Variants in ZNF81 observed in about 807,000 individuals in gnomAD.
The protein encoded by ZNF81 is zinc finger protein 81.
A neutral mutation model predicts 32.3 loss-of-function variants in ZNF81; 5 were observed. The ratio of observed to expected loss-of-function variants is 0.15; its 90% CI spans 0.08 to 0.33. The LOEUF (loss-of-function observed/expected upper bound fraction) is 0.33. Ranked by LOEUF, ZNF81 falls within the 10% of genes least tolerant of loss-of-function variation. The pLI is 1.00. For synonymous variants in ZNF81, 163 were observed against 166.8 expected (o/e 0.98, Z 0.17); for missense variants, 379 against 479.8 (o/e 0.79, Z 1.96).
At chrX:47,879,415 CA>C (rs1362552026) in intron 2 of ZNF81, among the ~76,000 whole-genome samples, 1 of 111,302 alleles carries the variant, frequency 9.0e-6, no homozygotes, top group African/African-American at 3.3e-5. Flanking sequence ...TGGATGCTGG[CA>C]AAAAATACAA....
At chrX:47,900,051 C>T (rs137895309) in intron 4 of ZNF81, among the ~76,000 whole-genome samples, 1,726 of 111,129 alleles carry the variant, frequency 0.016, 16 homozygotes, top group Middle Eastern at 0.028. Flanking sequence ...TTGTCTTCTA[C>T]TTGTTCATTC....
Position 47,919,011 on chromosome X carries a change from G to A in ZNF81, c.*2379G>A. 3.7e-6 allele frequency: 1 copy of A among 268,284 alleles called. No homozygotes were observed. Among genetic ancestry groups the A allele is most frequent in the Non-Finnish European group, 7.1e-6 (1 of 141,832 alleles). 22.1% of individuals were successfully genotyped at this position (268,284 alleles called of 1,213,427 possible). The stretch of plus-strand genomic sequence containing the variant: ...TTTAGCTCACAGGTATCTGGATCAA[G>A]AAACTGAAAAACTGTACCCAAGGAA... On this transcript the variant is annotated 3_prime_UTR_variant, in exon 5 of 5. Transcript: ENST00000338637.
intron 1 of ZNF81, among the ~76,000 whole-genome samples, chrX:47,839,934 AT>A (rs57140591): frequency 1.9e-5 from 2 of 107,934 alleles, no homozygotes; most frequent in African/African-American, 6.8e-5. Flanking sequence ...TTTTTTTTGC[AT>A]TTTTTTTAAA....
chrX:47,887,639 A>C (rs1323190312), intron 2 of ZNF81, among the ~76,000 whole-genome samples: 1 of 111,681 alleles, frequency 9.0e-6, no homozygotes, highest in African/African-American at 3.3e-5. Flanking sequence ...AGAGGGAGCT[A>C]TGTGAAATTT....
intron 2 of ZNF81, among the ~76,000 whole-genome samples, chrX:47,879,762 G>C (rs919871427): frequency 3.5e-4 from 39 of 112,097 alleles, no homozygotes; most frequent in African/African-American, 1.2e-3. Flanking sequence ...TTGGAAAAAA[G>C]GCAGTCAGTG....
chrX:47,890,543 C>T (rs2148030720), intron 3 of ZNF81, among the ~76,000 whole-genome samples: 1 of 112,012 alleles, frequency 8.9e-6, no homozygotes, highest in Admixed American at 9.4e-5. Context: ...TTGCCAAAGG[C>T]TCCAAACAGC....
At position 47,916,247 on chromosome X, in the gene ZNF81, C is replaced by T; in HGVS notation, c.1601C>T (p.Ala534Val). The T allele has an allele frequency of 8.3e-7, 1 of 1,211,406 alleles. No individual in the cohort carries two copies. The highest frequency in any genetic ancestry group is 1.1e-6 in the Non-Finnish European group (1 of 895,438). Residue 534 changes from alanine (A) to valine (V), a missense_variant, in exon 5 of 5, where the codon GCC becomes GTC. By Grantham distance (64) the Ala-to-Val change is moderately conservative. Transcript: ENST00000338637. The stretch of plus-strand genomic sequence containing the variant: ...TATATATGTGCTGAATGTGGGAAGG[C>T]CTTCACCGACAGGTCAAATTTCAAT... ...KSYICAECGK[A>V]FTDRSNFNKH...
rs782209480 is a variant in ZNF81 at position 47,850,891 on chromosome X, GCACACACA to G, written c.54+4607_54+4614del. 6.2e-4 allele frequency among the ~76,000 whole-genome samples: 33 copies of G among 53,419 alleles called. No homozygotes were observed. The East Asian group carries it at 0.015, about 24-fold the overall frequency. The allele number at this position is 53,419 out of a possible 115,157, so 46.4% of individuals were successfully genotyped here. A position where few individuals can be genotyped will look rare whatever the true frequency, so the allele number is the denominator to read the frequency against. ...CGTGCACTCATTCACAGGCACGCGCGCACACACACACACACACACACACACACACACAC... is the reference window on the plus strand; with the variant it reads ...CGTGCACTCATTCACAGGCACGCGCGCACACACACACACACACACACACAC... On this transcript the variant is annotated intron_variant, in intron 2 of 4. Transcript: ENST00000338637.
At position 47,919,338 on chromosome X, in the gene ZNF81, G is replaced by A. The variant is rs1400673207; in HGVS notation, c.*2706G>A. Reference sequence around the variant, plus strand: ...ATGTTTTTTCTCTCACCCTGGCTTTGTCAAGTCTACTGCTGAACCCATTGA... The same window carrying A: ...ATGTTTTTTCTCTCACCCTGGCTTTATCAAGTCTACTGCTGAACCCATTGA... On this transcript the variant is annotated 3_prime_UTR_variant, in exon 5 of 5. Transcript: ENST00000338637. The A allele has an allele frequency of 7.6e-6, 2 of 264,428 alleles. No homozygotes were observed. The highest frequency in any genetic ancestry group is 1.5e-5 in the Non-Finnish European group (2 of 136,231). 21.8% of individuals were successfully genotyped at this position (264,428 alleles called of 1,213,427 possible). A position where few individuals can be genotyped will look rare whatever the true frequency, so the allele number is the denominator to read the frequency against.
In ZNF81 at chrX:47,918,883, C is replaced by T. The variant is rs2058766360; in HGVS notation, c.*2251C>T. 6.9e-6 allele frequency: 1 copy of T among 144,646 alleles called. No homozygotes were observed. The highest frequency in any genetic ancestry group is 1.4e-5 in the Non-Finnish European group (1 of 72,847). 11.9% of individuals were successfully genotyped at this position (144,646 alleles called of 1,213,427 possible). On this transcript the variant is annotated 3_prime_UTR_variant, in exon 5 of 5. Coordinates refer to ENST00000338637, the MANE Select transcript of ZNF81 (RefSeq NM_007137.5). ...ATGGAACAGTGACTGATATGTGCCT[C>T]ATGGTCCTCCTCTTTTTGAATGGGA... is the stretch of plus-strand genomic sequence containing the variant.
Position 47,846,271 on chromosome X carries a change from C to A in ZNF81, c.4C>A (p.Pro2Thr). Residue 2 changes from proline to threonine, a missense_variant, in exon 2 of 5, where the codon CCA becomes ACA. Pro to Thr is a conservative substitution (Grantham distance 38). This residue lies in a region of ZNF81 where 277 missense variants were observed against 306.6 expected (regional missense o/e 0.90). Coordinates refer to ENST00000338637, the MANE Select transcript of ZNF81 (RefSeq NM_007137.5). ...GAAGTCCAAGTCCGTCGGGAACATG[C>A]CAGCTAACGAGGACGCTCCCCAGCC... M[P>T]ANEDAPQPGE... 1 of 1,208,438 alleles carries A rather than the reference C, an allele frequency of 8.3e-7. No homozygotes were observed. Among genetic ancestry groups the A allele is most frequent in the Non-Finnish European group, 1.1e-6 (1 of 894,503 alleles).
Position 47,917,409 on chromosome X carries a change from G to T in ZNF81, c.*777G>T, listed in dbSNP as rs936021701. The T allele has an allele frequency of 2.1e-5, 6 of 292,564 alleles. No individual in the cohort carries two copies. The highest frequency in any genetic ancestry group is 8.8e-4 in the Middle Eastern group (1 of 1,136). 24.1% of individuals were successfully genotyped at this position (292,564 alleles called of 1,213,427 possible). A position where few individuals can be genotyped will look rare whatever the true frequency, so the allele number is the denominator to read the frequency against. ...CTCCCATCCCAAGTAGCGTCTCTTT[G>T]TCTACTACTTGACTTTGAACTTGGC... On this transcript the variant is annotated 3_prime_UTR_variant, in exon 5 of 5. Transcript: ENST00000338637.
At chrX:47,891,204 AC>A (rs1354591519) in intron 3 of ZNF81, among the ~76,000 whole-genome samples, 3 of 112,955 alleles carry the variant, frequency 2.7e-5, no homozygotes, top group Non-Finnish European at 3.7e-5. Context: ...TCACAAAAAA[AC>A]ATTTGCCAGA....
At chrX:47,880,969 T>C (rs943615159) in intron 2 of ZNF81, among the ~76,000 whole-genome samples, 1 of 111,624 alleles carries the variant, frequency 9.0e-6, no homozygotes, top group Non-Finnish European at 1.9e-5. Context: ...GGCTAGGGGA[T>C]TGAGTGTGCT....
intron 2 of ZNF81, among the ~76,000 whole-genome samples, chrX:47,856,804 T>C (rs376661762): frequency 1.8e-3 from 204 of 111,143 alleles, no homozygotes; most frequent in African/African-American, 5.4e-3. Context: ...AATTAGATGG[T>C]GCTCACCTGT....
At chrX:47,905,804 C>G (rs1241329622) in intron 4 of ZNF81, among the ~76,000 whole-genome samples, 1 of 112,663 alleles carries the variant, frequency 8.9e-6, no homozygotes, top group African/African-American at 3.2e-5. Context: ...TCAGTAATTA[C>G]AGCTGCGAAG....
rs1419224494 is a variant in ZNF81, at chrX:47,917,614, G to T, written c.*982G>T. 1.5e-5 allele frequency: 3 copies of T among 204,287 alleles called. No homozygotes were observed. In the East Asian group the frequency reaches 2.3e-4, roughly 16 times the overall value. 16.8% of individuals were successfully genotyped at this position (204,287 alleles called of 1,213,427 possible). On this transcript the variant is annotated 3_prime_UTR_variant, in exon 5 of 5. Coordinates refer to ENST00000338637, the MANE Select transcript of ZNF81 (RefSeq NM_007137.5). The stretch of plus-strand genomic sequence containing the variant: ...CATGGAGCAGTGGTGAGCCAGCCTT[G>T]CTGAGGCCCCTTAGACCAAGTAGCC...
intron 3 of ZNF81, among the ~76,000 whole-genome samples, chrX:47,888,548 A>T (rs2148029568): frequency 9.0e-6 from 1 of 110,868 alleles, no homozygotes; most frequent in African/African-American, 3.3e-5. Context: ...CCCTGCTAAC[A>T]CCTTGGTTTT....
At position 47,916,603 on chromosome X, in the gene ZNF81, C is replaced by T. The variant is rs782757493; in HGVS notation, c.1957C>T (p.Leu653Phe). The change falls in exon 5 of 5, where the codon CTC (leucine) becomes TTC (phenylalanine). Residue 653 changes from leucine (L) to phenylalanine (F), a missense_variant. Leu to Phe is a conservative substitution (Grantham distance 22). Transcript: ENST00000338637. ...AAAGGGGTTCACCCAGAAATCAGTT[C>T]TCAGTATGCATCGCAATATTCATAC... ...CGKGFTQKSV[L>F]SMHRNIHT 1 of 1,202,107 alleles carries T rather than the reference C, an allele frequency of 8.3e-7. No individual in the cohort carries two copies. Among genetic ancestry groups the T allele is most frequent in the African/African-American group, 1.8e-5 (1 of 56,950 alleles).
Sources: allele counts gnomAD v4.1 joint callset (sites outside exome capture counted in the v4.1 genomes callset), GRCh38; gene constraint gnomAD v4.1.1; regional missense constraint gnomAD v4.1.1; transcripts MANE v1.5; gene names NCBI Gene and HGNC (gene_info 2026-07-23, HGNC 2026-07-21).